The following DYDC2 variants were observed in gnomAD, a reference collection of about 807,000 sequenced individuals.
DYDC2 encodes the protein DPY30 domain-containing protein 2.
DYDC2 carries 19 observed loss-of-function variants against 18.7 expected under a neutral mutation model. The observed-to-expected ratio is 1.02, with a 90% CI of 0.71 to 1.49. The LOEUF (loss-of-function observed/expected upper bound fraction) is 1.49, where lower values mean the gene tolerates loss of function less well. DYDC2 is among the 40% of genes most tolerant of loss of function. The pLI is 0.00. For missense variants in DYDC2, 179 were observed against 205.1 expected (o/e 0.87, Z 0.78); for synonymous variants, 63 against 67.6 (o/e 0.93, Z 0.34).
chr10:80,360,161 C>G (rs937852972), intron 2 of DYDC2, among the ~76,000 whole-genome samples: 1 of 152,210 alleles, frequency 6.6e-6, no homozygotes, highest in Non-Finnish European at 1.5e-5. Flanking sequence ...CAGGAGACAC[C>G]ACCCACCTCT....
chr10:80,347,389 T>C (rs1392061913), intron 1 of DYDC2, among the ~76,000 whole-genome samples: 1 of 147,144 alleles, frequency 6.8e-6, no homozygotes. Context: ...AAATATCTTC[T>C]CCCAATCCAT....
At chr10:80,364,053 T>A (rs75649626) in intron 4 of DYDC2, among the ~76,000 whole-genome samples, 1 of 152,234 alleles carries the variant, frequency 6.6e-6, no homozygotes, top group African/African-American at 2.4e-5. Context: ...AATGTTGGGT[T>A]TGATATATGA....
intron 4 of DYDC2, among the ~76,000 whole-genome samples, 172 bp from the exon 5 acceptor site, chr10:80,366,516 T>C (rs1211799464): frequency 6.6e-6 from 1 of 152,218 alleles, no homozygotes; most frequent in Non-Finnish European, 1.5e-5. Flanking sequence ...AGTTAAATTA[T>C]TGGTGAATCA....
upstream of DYDC2, chr10:80,351,846 G>T: frequency 6.6e-7 from 1 of 1,519,630 alleles, no homozygotes; most frequent in Non-Finnish European, 9.1e-7. Flanking sequence ...GCTGTGCCAT[G>T]CTGAGGTTGG....
At chr10:80,366,181 C>T (rs185156145) in intron 4 of DYDC2, among the ~76,000 whole-genome samples, 6 of 151,714 alleles carry the variant, frequency 4.0e-5, no homozygotes, top group East Asian at 3.9e-4. Flanking sequence ...TACAGGCGCC[C>T]GCCACCACAC....
upstream of DYDC2, chr10:80,356,514 A>C: frequency 1.0e-6 from 1 of 985,460 alleles, no homozygotes; most frequent in Non-Finnish European, 1.2e-6. Flanking sequence ...CAGGAGACGC[A>C]GCGCTCCCCG....
intron 2 of DYDC2, among the ~76,000 whole-genome samples, chr10:80,361,719 G>A (rs1843666555): frequency 6.6e-6 from 1 of 152,144 alleles, no homozygotes; most frequent in Non-Finnish European, 1.5e-5. Flanking sequence ...ATCCATTACA[G>A]TCACTATTTT....
chr10:80,346,192 T>C (rs919074834), intron 1 of DYDC2, among the ~76,000 whole-genome samples: 4 of 151,698 alleles, frequency 2.6e-5, no homozygotes, highest in Admixed American at 2.0e-4. Flanking sequence ...ATTTATGTTG[T>C]TTCCAAATCT....
chr10:80,356,405 CGGG>C, upstream of DYDC2: 1 of 985,622 alleles, frequency 1.0e-6, no homozygotes, highest in Non-Finnish European at 1.2e-6. Flanking sequence ...CGGGGGCACC[CGGG>C]CAGGGGTGCC....
intron 2 of DYDC2, among the ~76,000 whole-genome samples, chr10:80,358,893 C>T (rs917150857): frequency 5.3e-5 from 8 of 152,178 alleles, no homozygotes; most frequent in Admixed American, 4.6e-4. Context: ...AGAGTTTCTT[C>T]CTTCTGGTGG....
In DYDC2 at chr10:80,359,844, G is replaced by A. The variant is rs1034325339; in HGVS notation, c.-10+1799G>A. Among the ~76,000 whole-genome samples, 22 of 152,008 alleles carry A rather than the reference G, an allele frequency of 1.4e-4. 1 individual carries two copies. The highest frequency in any genetic ancestry group is 7.4e-5 in the Non-Finnish European group (5 of 67,988). On this transcript the variant is annotated intron_variant, in intron 2 of 4. Transcript: ENST00000256039. Reference sequence around the variant, plus strand: ...TTGCGCTGGCCTGCGAGTGCCACACGCGGCCCCATTTCCCGCCCGCGCCTC... The same window carrying A: ...TTGCGCTGGCCTGCGAGTGCCACACACGGCCCCATTTCCCGCCCGCGCCTC...
At chr10:80,346,981 G>A (rs945853135) in intron 1 of DYDC2, among the ~76,000 whole-genome samples, 66 of 151,986 alleles carry the variant, frequency 4.3e-4, no homozygotes, top group Non-Finnish European at 1.6e-4. Context: ...TCAGGAGGCT[G>A]AGGCAGGAGA....
intron 2 of DYDC2, among the ~76,000 whole-genome samples, chr10:80,359,071 G>A (rs190873494): frequency 1.3e-5 from 2 of 152,314 alleles, no homozygotes; most frequent in Admixed American, 6.5e-5. Flanking sequence ...GCAGCTGCTG[G>A]CTCAGGCAGC....
Position 80,358,021 on chromosome 10 carries a change from T to G in DYDC2, c.-34T>G. On this transcript the variant is annotated 5_prime_UTR_variant, in exon 2 of 5. Coordinates refer to ENST00000256039, the MANE Select transcript of DYDC2 (RefSeq NM_032372.6). ...CCCTCAGAGGAGCTCTGGGAAACAC[T>G]GAAAAATAGCCTCTCCCCCCATTGG... The G allele has an allele frequency of 1.0e-6, 1 of 985,496 alleles. No homozygotes were observed. The highest frequency in any genetic ancestry group is 1.2e-6 in the Non-Finnish European group (1 of 830,050). 61.0% of individuals were successfully genotyped at this position (985,496 alleles called of 1,614,324 possible).
intron 3 of DYDC2, 75 bp downstream of exon 3, chr10:80,362,665 A>T: frequency 2.0e-6 from 3 of 1,524,700 alleles, no homozygotes; most frequent in Middle Eastern, 3.6e-4. Flanking sequence ...ACAAGGCAGG[A>T]TTCTGGAGCT....
At chr10:80,351,895 C>T (rs1247644375), upstream of DYDC2, 3 of 1,613,852 alleles carry the variant, frequency 1.9e-6, no homozygotes, top group Non-Finnish European at 2.5e-6. Flanking sequence ...CTCCTACTTG[C>T]CTCACCTGCT....
chr10:80,359,111 C>G (rs1843579358), intron 2 of DYDC2, among the ~76,000 whole-genome samples: 1 of 152,214 alleles, frequency 6.6e-6, no homozygotes, highest in Non-Finnish European at 1.5e-5. Flanking sequence ...CGGCCCTACC[C>G]ACATCCTGCT....
chr10:80,351,860 C>T (rs755275570), upstream of DYDC2: 4 of 1,584,328 alleles, frequency 2.5e-6, no homozygotes, highest in Non-Finnish European at 3.5e-6. Context: ...AGGTTGGCAT[C>T]GTTAATTCCA....
chr10:80,355,432 C>A (rs1337649696), upstream of DYDC2, among the ~76,000 whole-genome samples: 3 of 152,074 alleles, frequency 2.0e-5, no homozygotes, highest in Non-Finnish European at 2.9e-5. Flanking sequence ...TTGACAACAT[C>A]TAGAAAATCA....
Sources: allele counts gnomAD v4.1 joint callset (sites outside exome capture counted in the v4.1 genomes callset), GRCh38; gene constraint gnomAD v4.1.1; transcripts MANE v1.5; gene names NCBI Gene and HGNC (gene_info 2026-07-23, HGNC 2026-07-21).